ZDHHC18: variants seen among roughly 807,000 people sequenced by gnomAD.
ZDHHC18 encodes zDHHC palmitoyltransferase 18.
A neutral mutation model predicts 37.5 loss-of-function variants in ZDHHC18; 23 were observed. That is an observed-to-expected ratio of 0.61 (90% CI 0.44 to 0.87). ZDHHC18 has a LOEUF of 0.87. ZDHHC18 is among the 40% of genes least tolerant of loss of function. The probability of loss-of-function intolerance (pLI) is 0.00; values close to 1 mark genes in which losing one functional copy is unlikely to be tolerated. For missense variants in ZDHHC18, 406 were observed against 525.6 expected (o/e 0.77, Z 2.22); for synonymous variants, 185 against 218.7 (o/e 0.85, Z 1.36).
At chr1:26,844,989 C>T (rs918957065) in intron 2 of ZDHHC18, among the ~76,000 whole-genome samples, 27 of 150,600 alleles carry the variant, frequency 1.8e-4, no homozygotes, top group African/African-American at 6.3e-4. Flanking sequence ...GGCGCAATCT[C>T]GGCTCACTGC....
chr1:26,843,204 G>A lies in ZDHHC18; in HGVS notation c.497-5404G>A, dbSNP rs902700096. On this transcript the variant is annotated intron_variant, in intron 2 of 7. Transcript: ENST00000374142. ...ATCACCCAGGCTGGAATGCAATGGC[G>A]ACTGTTCAGCTCACTGCAACCTCCA... 1.5e-4 allele frequency among the ~76,000 whole-genome samples: 23 copies of A among 148,504 alleles called. 1 individual carries two copies. The highest frequency in any genetic ancestry group is 4.7e-4 in the African/African-American group (19 of 40,148).
chr1:26,835,824 G>C (rs2081609031), intron 2 of ZDHHC18, among the ~76,000 whole-genome samples: 1 of 152,242 alleles, frequency 6.6e-6, no homozygotes, highest in African/African-American at 2.4e-5. Context: ...AGCATGAACT[G>C]ATTACCTGGT....
intron 2 of ZDHHC18, among the ~76,000 whole-genome samples, chr1:26,847,207 A>T (rs1176486754): frequency 6.6e-6 from 1 of 151,544 alleles, no homozygotes; most frequent in African/African-American, 2.4e-5. Context: ...TTGTTCCCTA[A>T]TTTTTGTTTG....
intron 2 of ZDHHC18, among the ~76,000 whole-genome samples, chr1:26,836,556 TTTTTTTTC>T (rs1313235049): frequency 1.9e-5 from 2 of 104,536 alleles, no homozygotes; most frequent in Non-Finnish European, 4.2e-5. Context: ...CTTCATTTCT[TTTTTTTTC>T]TTTTTTTCTT....
chr1:26,846,519 G>A (rs964432461), intron 2 of ZDHHC18, among the ~76,000 whole-genome samples: 2 of 150,076 alleles, frequency 1.3e-5, no homozygotes, highest in Non-Finnish European at 3.0e-5. Context: ...AGTAGAGACG[G>A]GGTTTCACTG....
Position 26,856,604 on chromosome 1 carries a change from G to T in ZDHHC18, c.*2761G>T. 1 of 161,016 alleles carries T rather than the reference G, an allele frequency of 6.2e-6. No homozygotes were observed. Among genetic ancestry groups the T allele is most frequent in the Non-Finnish European group, 1.4e-5 (1 of 72,454 alleles). The allele number at this position is 161,016 out of a possible 1,614,324, so 10.0% of individuals were successfully genotyped here. A position where few individuals can be genotyped will look rare whatever the true frequency, so the allele number is the denominator to read the frequency against. On this transcript the variant is annotated 3_prime_UTR_variant, in exon 8 of 8. Coordinates refer to ENST00000374142, the MANE Select transcript of ZDHHC18 (RefSeq NM_032283.3). This position sits in a 1 kb window ranked among gnomAD's most constrained non-coding sequence, Gnocchi z 5.2. ...GTGCTGGTGGGGTCCTGGTATGCAGGGGCCACCGGTCACTAACACTCTTAT... is the reference window on the plus strand; with the variant it reads ...GTGCTGGTGGGGTCCTGGTATGCAGTGGCCACCGGTCACTAACACTCTTAT...
Position 26,848,721 on chromosome 1 carries a change from C to A in ZDHHC18, c.610C>A (p.Arg204=), listed in dbSNP as rs370474779. ...CFTCKMFRPP[R]TSHCSVCDNC... is the part of the protein sequence containing the mutation. Reference sequence around the variant, plus strand: ...CACCTGCAAGATGTTCCGGCCACCCCGAACCTCACACTGCAGTGTCTGCGA... The same window carrying A: ...CACCTGCAAGATGTTCCGGCCACCCAGAACCTCACACTGCAGTGTCTGCGA... The change falls in exon 3 of 8, where the codon CGA becomes AGA. Residue 204 remains arginine (R), a synonymous_variant. Coordinates refer to ENST00000374142, the MANE Select transcript of ZDHHC18 (RefSeq NM_032283.3). 6.2e-7 allele frequency: 1 copy of A among 1,614,072 alleles called. No individual in the cohort carries two copies. Among genetic ancestry groups the A allele is most frequent in the South Asian group, 1.1e-5 (1 of 91,074 alleles).
At chr1:26,835,452 C>T (rs1185903894) in intron 2 of ZDHHC18, among the ~76,000 whole-genome samples, 1 of 152,186 alleles carries the variant, frequency 6.6e-6, no homozygotes, top group Non-Finnish European at 1.5e-5. Flanking sequence ...CCTGTAATCC[C>T]AGCACTTTGG....
intron 2 of ZDHHC18, among the ~76,000 whole-genome samples, chr1:26,847,742 C>T (rs557192386): frequency 4.0e-5 from 6 of 151,422 alleles, no homozygotes; most frequent in Non-Finnish European, 8.8e-5. Flanking sequence ...AGTGCAGTGG[C>T]GTGATCTTGA....
intron 6 of ZDHHC18, among the ~76,000 whole-genome samples, 176 bp downstream of exon 6, chr1:26,851,407 G>A (rs1027021321): frequency 1.3e-5 from 2 of 152,188 alleles, no homozygotes; most frequent in Non-Finnish European, 2.9e-5. Context: ...GTCCGATGCA[G>A]GCTTCTGACA....
At chr1:26,853,626 T>A in intron 7 of ZDHHC18, 100 bp from the exon 8 acceptor site, 1 of 1,136,736 alleles carries the variant, frequency 8.8e-7, no homozygotes, top group Non-Finnish European at 1.3e-6. Context: ...TTTCTCAGCC[T>A]GGGCCTTTCC....
At chr1:26,844,383 C>T (rs1420097755) in intron 2 of ZDHHC18, among the ~76,000 whole-genome samples, 3 of 152,118 alleles carry the variant, frequency 2.0e-5, no homozygotes, top group Admixed American at 6.6e-5. Flanking sequence ...GTGTAGTTGA[C>T]GATGGTTCGA....
chr1:26,852,907 C>T, intron 7 of ZDHHC18, 42 bp downstream of exon 7: 2 of 1,583,488 alleles, frequency 1.3e-6, no homozygotes, highest in Non-Finnish European at 1.7e-6. Context: ...AGGGCCATGC[C>T]TGGCCAGTGA....
chr1:26,830,491 T>C (rs139184187), intron 1 of ZDHHC18, among the ~76,000 whole-genome samples: 1 of 152,230 alleles, frequency 6.6e-6, no homozygotes, highest in Non-Finnish European at 1.5e-5. Flanking sequence ...TAACTATCTG[T>C]AGATAGTACA....
chr1:26,841,142 A>G lies in ZDHHC18; in HGVS notation c.497-7466A>G, dbSNP rs182657512. Among the ~76,000 whole-genome samples the G allele has an allele frequency of 1.9e-3, 293 of 151,974 alleles. 1 individual carries two copies. The highest frequency in any genetic ancestry group is 2.4e-3 in the Non-Finnish European group (161 of 67,934). On this transcript the variant is annotated intron_variant, in intron 2 of 7. Transcript: ENST00000374142. ...CAGGTGCACACCACCACACCTGGCT[A>G]ATTTTTGTATTTTTAGTAGAAATGG... is the stretch of plus-strand genomic sequence containing the variant.
intron 2 of ZDHHC18, among the ~76,000 whole-genome samples, chr1:26,841,363 G>C (rs2081638327): frequency 6.6e-6 from 1 of 152,028 alleles, no homozygotes; most frequent in African/African-American, 2.4e-5. Context: ...CAAACTCCTG[G>C]CCTCAAGCAA....
chr1:26,829,555 T>C (rs2081574652), intron 1 of ZDHHC18, among the ~76,000 whole-genome samples: 1 of 151,994 alleles, frequency 6.6e-6, no homozygotes, highest in South Asian at 2.1e-4. Context: ...GCACCTCTCT[T>C]CTCCCCTCAT....
chr1:26,841,950 A>G (rs1468465481), intron 2 of ZDHHC18, among the ~76,000 whole-genome samples: 1 of 152,100 alleles, frequency 6.6e-6, no homozygotes, highest in Non-Finnish European at 1.5e-5. Context: ...CCTGGCCAAC[A>G]TAGTGAAACC....
chr1:26,832,378 C>A, intron 1 of ZDHHC18, 69 bp from the exon 2 acceptor site: 5 of 1,572,424 alleles, frequency 3.2e-6, no homozygotes, highest in Non-Finnish European at 8.7e-7. Context: ...GCGCCTGCCA[C>A]GTGCTGTAGC....
Sources: allele counts gnomAD v4.1 joint callset (sites outside exome capture counted in the v4.1 genomes callset), GRCh38; gene constraint gnomAD v4.1.1; non-coding constraint Gnocchi (gnomAD v3.1); transcripts MANE v1.5; gene names NCBI Gene and HGNC (gene_info 2026-07-23, HGNC 2026-07-21).